GDI2: variants seen among roughly 807,000 people sequenced by gnomAD.
The protein encoded by GDI2 is GDP dissociation inhibitor 2, also known as rab GDP dissociation inhibitor beta.
A neutral mutation model predicts 54.2 loss-of-function variants in GDI2; 22 were observed. The observed-to-expected ratio is 0.41, with a 90% CI of 0.29 to 0.58. The LOEUF (loss-of-function observed/expected upper bound fraction) is 0.58. Ranked by LOEUF, GDI2 falls within the 20% of genes least tolerant of loss-of-function variation. The probability of loss-of-function intolerance (pLI) is 0.35; values close to 1 mark genes in which losing one functional copy is unlikely to be tolerated. For synonymous variants in GDI2, 177 were observed against 182.1 expected (o/e 0.97, Z 0.23); for missense variants, 422 against 546.0 (o/e 0.77, Z 2.26).
chr10:5,779,694 CTT>C (rs368605604), intron 6 of GDI2, among the ~76,000 whole-genome samples: 9 of 139,804 alleles, frequency 6.4e-5, no homozygotes, highest in Admixed American at 7.1e-5. Context: ...AAGTTTGATG[CTT>C]TTTTTTTTTT....
chr10:5,794,188 A>AAAAAAAAAAAAT (rs1448053813), intron 4 of GDI2, among the ~76,000 whole-genome samples: 1 of 40,340 alleles, frequency 2.5e-5, no homozygotes, highest in Non-Finnish European at 4.2e-5. Context: ...AAAAAAAAAA[A>AAAAAAAAAAAAT]ATATATATAT....
rs1399339074 is a variant in GDI2, at chr10:5,776,142, T to C, written c.720-2201A>G. The C allele has an allele frequency of 3.7e-6, 1 of 272,598 alleles. No homozygotes were observed. The highest frequency in any genetic ancestry group is 7.4e-6 in the Non-Finnish European group (1 of 134,360). 16.9% of individuals were successfully genotyped at this position (272,598 alleles called of 1,614,324 possible). ...TCAGCAACTACAAAGAAGCTATTTC[T>C]TGTCACAAAAAGGCTGCGGCATATC... On this transcript the variant is annotated intron_variant, in intron 6 of 10. Coordinates refer to ENST00000380191, the MANE Select transcript of GDI2 (RefSeq NM_001494.4). This position sits in a 1 kb window ranked among gnomAD's most constrained non-coding sequence, Gnocchi z 5.3.
At chr10:5,809,387 T>C (rs757045556) in intron 1 of GDI2, among the ~76,000 whole-genome samples, 13 of 152,186 alleles carry the variant, frequency 8.5e-5, no homozygotes, top group Non-Finnish European at 1.5e-4. Flanking sequence ...CTCCAAAGCT[T>C]CTGTTTCAAG....
chr10:5,778,966 C>G (rs1222910229), intron 6 of GDI2, among the ~76,000 whole-genome samples: 2 of 152,146 alleles, frequency 1.3e-5, no homozygotes, highest in Non-Finnish European at 1.5e-5. Context: ...AGTATACAAT[C>G]CAACATTACT....
intron 6 of GDI2, among the ~76,000 whole-genome samples, chr10:5,778,918 G>C (rs964112248): frequency 6.6e-6 from 1 of 152,168 alleles, no homozygotes; most frequent in Non-Finnish European, 1.5e-5. Flanking sequence ...TTCAGAGGAA[G>C]AATCCGGCAT....
rs564806677 is a variant in GDI2 at position 5,765,825 on chromosome 10, A to G, written c.*181T>C. The G allele has an allele frequency of 1.7e-5, 9 of 541,078 alleles. No homozygotes were observed. Among genetic ancestry groups the G allele is most frequent in the Admixed American group, 7.5e-5 (2 of 26,622 alleles). The allele number at this position is 541,078 out of a possible 1,614,324, so 33.5% of individuals were successfully genotyped here. A position where few individuals can be genotyped will look rare whatever the true frequency, so the allele number is the denominator to read the frequency against. The stretch of plus-strand genomic sequence containing the variant: ...CAGAATGTGGTAACTGCCAATGCTG[A>G]ATAGCCACTCCATGAAAACAAGTTA... On this transcript the variant is annotated 3_prime_UTR_variant, in exon 11 of 11. Transcript: ENST00000380191.
At chr10:5,797,592 G>A (rs963943269) in intron 2 of GDI2, among the ~76,000 whole-genome samples, 6 of 145,522 alleles carry the variant, frequency 4.1e-5, no homozygotes, top group Non-Finnish European at 1.5e-5. Context: ...GTGTGTGCCT[G>A]TAAGCCCAGC....
At chr10:5,784,343 T>C (rs1246903358) in intron 6 of GDI2, among the ~76,000 whole-genome samples, 3 of 152,238 alleles carry the variant, frequency 2.0e-5, no homozygotes, top group Non-Finnish European at 4.4e-5. Context: ...TCACTTTTTT[T>C]GTTTTGCTAA....
At chr10:5,775,531 A>C (rs1008143850) in intron 6 of GDI2, among the ~76,000 whole-genome samples, 2 of 152,202 alleles carry the variant, frequency 1.3e-5, no homozygotes, top group African/African-American at 4.8e-5. Context: ...CGGCCAGAGG[A>C]GATGAAAATT....
Position 5,766,347 on chromosome 10 carries a change from G to T in GDI2, c.1137-52C>A. On this transcript the variant is annotated intron_variant, in intron 9 of 10. Transcript: ENST00000380191. The surrounding 1 kb of genome is among the most constrained non-coding windows in gnomAD (Gnocchi z 5.8). ...TGAGCTGGTCCCACACCTGACCATGGCTCTGCCTGAGGTCAACTGAGAGGT... is the reference window on the plus strand; with the variant it reads ...TGAGCTGGTCCCACACCTGACCATGTCTCTGCCTGAGGTCAACTGAGAGGT... The T allele has an allele frequency of 6.5e-7, 1 of 1,527,958 alleles. No individual in the cohort carries two copies. The allele number at this position is 1,527,958 out of a possible 1,614,324, so 94.7% of individuals were successfully genotyped here. A position where few individuals can be genotyped will look rare whatever the true frequency, so the allele number is the denominator to read the frequency against.
rs1840411847 is a variant in GDI2, at chr10:5,768,550, A to C, written c.820-166T>G. 5.0e-6 allele frequency: 3 copies of C among 594,424 alleles called. No individual in the cohort carries two copies. The highest frequency in any genetic ancestry group is 6.1e-5 in the Admixed American group (2 of 32,904). 36.8% of individuals were successfully genotyped at this position (594,424 alleles called of 1,614,324 possible). On this transcript the variant is annotated intron_variant, in intron 7 of 10. Transcript: ENST00000380191. This position sits in a 1 kb window ranked among gnomAD's most constrained non-coding sequence, Gnocchi z 4.4. ...TTCTGGAACAACCAAAACAATCTTA[A>C]AAGAAGAACAGCAAAGCTGGAGGAC... is the stretch of plus-strand genomic sequence containing the variant.
At chr10:5,785,704 A>G in intron 5 of GDI2, 148 bp downstream of exon 5, 2 of 609,166 alleles carry the variant, frequency 3.3e-6, no homozygotes, top group Non-Finnish European at 5.8e-6. Flanking sequence ...ATCACTTAAA[A>G]GGTCCCAACA....
rs761709460 is a variant in GDI2, at chr10:5,785,910, A to C, written c.529T>G (p.Leu177Val). The C allele has an allele frequency of 6.2e-7, 1 of 1,612,256 alleles. No homozygotes were observed. The highest frequency in any genetic ancestry group is 2.2e-5 in the East Asian group (1 of 44,866). The change falls in exon 5 of 11, where the codon TTG becomes GTG. Residue 177 changes from leucine (L) to valine (V), a missense_variant. Transcript: ENST00000380191. ...TMRDVYKKFD[L>V]GQDVIDFTGH... ...GTAAAATCTATAACGTCTTGACCCAAATCAAATTTCTTATACACATCTCGC... is the reference window on the plus strand; with the variant it reads ...GTAAAATCTATAACGTCTTGACCCACATCAAATTTCTTATACACATCTCGC...
intron 1 of GDI2, 125 bp downstream of exon 1, chr10:5,813,089 G>A (rs1236513380): frequency 1.0e-5 from 6 of 577,152 alleles, no homozygotes; most frequent in African/African-American, 2.0e-5. Flanking sequence ...CACGACTCCC[G>A]TCCCGAAAAC....
At position 5,768,670 on chromosome 10, in the gene GDI2, AC is replaced by A. The variant is rs1840414337; in HGVS notation, c.820-287del. On this transcript the variant is annotated intron_variant, in intron 7 of 10. Transcript: ENST00000380191. This position sits in a 1 kb window ranked among gnomAD's most constrained non-coding sequence, Gnocchi z 4.4. ...GAAACGAGGAGAGAGCCAGAAATAA[AC>A]CCTCGCATCCACAGTACAGTGATTT... 3.5e-6 allele frequency: 1 copy of A among 288,632 alleles called. No individual in the cohort carries two copies. The highest frequency in any genetic ancestry group is 6.6e-5 in the East Asian group (1 of 15,044). The allele number at this position is 288,632 out of a possible 1,614,324, so 17.9% of individuals were successfully genotyped here.
At position 5,785,189 on chromosome 10, in the gene GDI2, G is replaced by A; in HGVS notation, c.672C>T (p.Tyr224=). The A allele has an allele frequency of 6.2e-7, 1 of 1,611,364 alleles. No homozygotes were observed. The highest frequency in any genetic ancestry group is 1.7e-4 in the Middle Eastern group (1 of 6,010). ...ESLARYGKSP[Y]LYPLYGLGEL... ...CTCCAAGGCCATAGAGTGGATAAAG[G>A]TATGGGCTTTTGCCATATCTTGCCA... is the stretch of plus-strand genomic sequence containing the variant. Residue 224 remains tyrosine, a synonymous_variant, in exon 6 of 11, where the codon TAC becomes TAT. Coordinates refer to ENST00000380191, the MANE Select transcript of GDI2 (RefSeq NM_001494.4).
chr10:5,788,831 C>T (rs1271255945), intron 4 of GDI2, among the ~76,000 whole-genome samples: 9 of 151,778 alleles, frequency 5.9e-5, no homozygotes, highest in African/African-American at 1.2e-4. Flanking sequence ...GGCGCGATTT[C>T]GGCTCACTGC....
intron 2 of GDI2, 79 bp downstream of exon 2, chr10:5,800,519 C>T: frequency 7.6e-6 from 6 of 788,744 alleles, no homozygotes; most frequent in Non-Finnish European, 1.1e-5. Context: ...TTAAGACCAT[C>T]TCTAAGGAAT....
At chr10:5,773,562 T>C (rs1197521042) in intron 7 of GDI2, among the ~76,000 whole-genome samples, 2 of 152,152 alleles carry the variant, frequency 1.3e-5, no homozygotes, top group Non-Finnish European at 2.9e-5. Context: ...CAATGAAAAT[T>C]TGGGAGACAG....
Sources: gnomAD v4.1 joint callset for allele counts (sites outside exome capture counted in the v4.1 genomes callset) on GRCh38, gnomAD v4.1.1 for gene constraint, Gnocchi (gnomAD v3.1) non-coding constraint, MANE v1.5 for transcripts, NCBI Gene and HGNC (gene_info 2026-07-23, HGNC 2026-07-21) for gene names.